Variants in MEI1 observed in about 807,000 individuals in gnomAD.
The protein encoded by MEI1 is meiosis inhibitor protein 1.
Under a neutral mutation model 146.2 loss-of-function variants are expected in MEI1, and 103 were observed. That is an observed-to-expected ratio of 0.70 (90% CI 0.60 to 0.83). MEI1 has a LOEUF of 0.83. Ranked by LOEUF, MEI1 falls within the 40% of genes least tolerant of loss-of-function variation. The pLI is 0.00. For synonymous variants in MEI1, 652 were observed against 628.2 expected (o/e 1.04, Z -0.57); for missense variants, 1,529 against 1,533.0 (o/e 1.00, Z 0.04).
intron 6 of MEI1, chr22:41,721,950 A>T (rs1179467275): frequency 2.0e-5 from 3 of 148,080 alleles, no homozygotes; most frequent in Admixed American, 6.8e-5. Context: ...CAATCTCTTG[A>T]CCTCGTGATC....
At chr22:41,777,999 T>A (rs1429899596) in intron 21 of MEI1, among the ~76,000 whole-genome samples, 1 of 148,608 alleles carries the variant, frequency 6.7e-6, no homozygotes, top group Admixed American at 6.7e-5. Context: ...TCCCTCCTCC[T>A]CCTTCCTTCC....
intron 7 of MEI1, among the ~76,000 whole-genome samples, chr22:41,729,037 G>A (rs1280765821): frequency 2.6e-5 from 4 of 151,926 alleles, no homozygotes; most frequent in African/African-American, 4.8e-5. Context: ...GGTGGTGCAC[G>A]CCTGTAGTCC....
At chr22:41,765,065 C>T (rs868654113) in intron 19 of MEI1, among the ~76,000 whole-genome samples, 45 of 152,284 alleles carry the variant, frequency 3.0e-4, no homozygotes, top group South Asian at 2.1e-4. Flanking sequence ...AGTGCAATGG[C>T]GCCATCTTGG....
chr22:41,753,173 A>G (rs1290238406), intron 16 of MEI1, among the ~76,000 whole-genome samples: 1 of 152,072 alleles, frequency 6.6e-6, no homozygotes, highest in Non-Finnish European at 1.5e-5. Flanking sequence ...GCTTGCCACC[A>G]TTCCTGGCTA....
intron 16 of MEI1, among the ~76,000 whole-genome samples, chr22:41,753,063 G>C (rs553323891): frequency 6.6e-6 from 1 of 150,966 alleles, no homozygotes; most frequent in Non-Finnish European, 1.5e-5. Context: ...CTGTCACCCA[G>C]GCTGGAGTGC....
At chr22:41,747,299 A>C (rs184278831) in intron 14 of MEI1, 1 of 152,644 alleles carries the variant, frequency 6.6e-6, no homozygotes, top group East Asian at 1.9e-4. Flanking sequence ...TGACTCTTGA[A>C]GAATTACCTG....
intron 17 of MEI1, among the ~76,000 whole-genome samples, chr22:41,754,414 TTTTTTC>T (rs148609596): frequency 0.18 from 26,804 of 151,596 alleles, 7,264 homozygotes; most frequent in African/African-American, 0.59. Flanking sequence ...GTAGTGTTTC[TTTTTTC>T]TTTTTCTTTT....
At chr22:41,724,689 G>T (rs906203952) in intron 7 of MEI1, among the ~76,000 whole-genome samples, 1 of 152,054 alleles carries the variant, frequency 6.6e-6, no homozygotes. Flanking sequence ...TACTCAGGAG[G>T]CTGAGGTGGG....
At chr22:41,765,025 C>G (rs977155685) in intron 19 of MEI1, among the ~76,000 whole-genome samples, 12 of 152,152 alleles carry the variant, frequency 7.9e-5, no homozygotes, top group Admixed American at 5.2e-4. Flanking sequence ...ATTGAACAAC[C>G]AAGAGTCTTG....
rs1419639477 is a variant in MEI1, at chr22:41,743,095, C to T, written c.1347C>T (p.Ser449=). Residue 449 remains serine, a synonymous_variant, in exon 12 of 31, where the codon AGC becomes AGT. Transcript: ENST00000401548. ...CTGGATGCAGGAAGGACCATCAGAG[C>T]ACTCCACCTGTGCAGTATGGGGAAC... is the stretch of plus-strand genomic sequence containing the variant. ...TSAFLRKDHQ[S]TPPVQYGELQ... The T allele has an allele frequency of 6.2e-7, 1 of 1,611,446 alleles. No individual in the cohort carries two copies. The highest frequency in any genetic ancestry group is 1.3e-5 in the African/African-American group (1 of 74,884).
In MEI1 at chr22:41,794,238, C is replaced by T. The variant is rs182522017; in HGVS notation, c.3428-133C>T. ...TTAGAAGCCCAGGGAAGAAAGAACCCTCCTTGGGTCAGCTTGTTCAGTGCC... is the reference window on the plus strand; with the variant it reads ...TTAGAAGCCCAGGGAAGAAAGAACCTTCCTTGGGTCAGCTTGTTCAGTGCC... On this transcript the variant is annotated intron_variant, in intron 27 of 30. Transcript: ENST00000401548. 13 of 763,842 alleles carry T rather than the reference C, an allele frequency of 1.7e-5. No individual in the cohort carries two copies. In the Admixed American group the frequency reaches 1.8e-4, roughly 11 times the overall value. The allele number at this position is 763,842 out of a possible 1,614,324, so 47.3% of individuals were successfully genotyped here.
At position 41,781,864 on chromosome 22, in the gene MEI1, T is replaced by C. The variant is rs752620578; in HGVS notation, c.3087+19T>C. ...TTTGCAGGTTAGTCTTTAACTCCTGTGGCTTTGAGGCATGGGGTGGCACTC... is the reference window on the plus strand; with the variant it reads ...TTTGCAGGTTAGTCTTTAACTCCTGCGGCTTTGAGGCATGGGGTGGCACTC... On this transcript the variant is annotated intron_variant, in intron 24 of 30. Transcript: ENST00000401548. 1.9e-6 allele frequency: 3 copies of C among 1,613,014 alleles called. No individual in the cohort carries two copies. Among genetic ancestry groups the C allele is most frequent in the East Asian group, 2.2e-5 (1 of 44,846 alleles).
At chr22:41,703,951 A>T (rs1195299544) in intron 2 of MEI1, among the ~76,000 whole-genome samples, 1 of 152,068 alleles carries the variant, frequency 6.6e-6, no homozygotes, top group Non-Finnish European at 1.5e-5. Flanking sequence ...GTGCCACCAC[A>T]CTCCAGCCTG....
At chr22:41,752,120 T>G (rs189678664) in intron 15 of MEI1, among the ~76,000 whole-genome samples, 1 of 151,812 alleles carries the variant, frequency 6.6e-6, no homozygotes, top group East Asian at 1.9e-4. Context: ...GTTCTGAGAA[T>G]CAATTGCTTT....
At chr22:41,754,998 G>A (rs2074000347) in intron 17 of MEI1, among the ~76,000 whole-genome samples, 1 of 152,186 alleles carries the variant, frequency 6.6e-6, no homozygotes, top group Admixed American at 6.5e-5. Context: ...TCTGAGTCAA[G>A]TAAAGGAAAG....
intron 4 of MEI1, among the ~76,000 whole-genome samples, chr22:41,715,120 A>G (rs2069983074): frequency 6.6e-6 from 1 of 152,140 alleles, no homozygotes; most frequent in Non-Finnish European, 1.5e-5. Flanking sequence ...TGATGAGATG[A>G]TGCCACTTAA....
chr22:41,784,521 A>G, intron 25 of MEI1, 87 bp from the exon 26 acceptor site: 1 of 1,588,474 alleles, frequency 6.3e-7, no homozygotes, highest in Non-Finnish European at 8.6e-7. Flanking sequence ...TAATTGTCTC[A>G]TCTTCATTGT....
Position 41,754,034 on chromosome 22 carries a change from C to T in MEI1, c.1939C>T (p.Pro647Ser). The T allele has an allele frequency of 1.9e-6, 3 of 1,611,512 alleles. No homozygotes were observed. The highest frequency in any genetic ancestry group is 2.5e-6 in the Non-Finnish European group (3 of 1,177,674). Residue 647 changes from proline (P) to serine (S), a missense_variant, in exon 17 of 31, where the codon CCT (proline) becomes TCT (serine). Physicochemically the swap from Pro to Ser is moderately conservative, Grantham distance 74. Transcript: ENST00000401548. ...CTCAGCTCCAGAGAAGACAGGACCA[C>T]CTTCCAAAGAAGGTAAGATGCTACA... ...LLSAPEKTGP[P>S]SKEELSAVSE... is the part of the protein sequence containing the mutation.
chr22:41,795,832 C>A lies in MEI1; in HGVS notation c.3764C>A (p.Pro1255His). Residue 1255 changes from proline to histidine, a missense_variant, in exon 30 of 31, where the codon CCC becomes CAC. By Grantham distance (77) the Pro-to-His change is moderately conservative. This residue lies in a region of MEI1 where 313 missense variants were observed against 337.3 expected (regional missense o/e 0.93). Transcript: ENST00000401548. This position sits in a 1 kb window ranked among gnomAD's most constrained non-coding sequence, Gnocchi z 4.2. ...CCTAGCACCTCCTCAGGCCAGCCAC[C>A]CCTGCAGGACATGCTGTATCCTTTC... ...LPPSTSSGQP[P>H]LQDMLCLGGV... The A allele has an allele frequency of 6.2e-7, 1 of 1,613,576 alleles. No individual in the cohort carries two copies. The highest frequency in any genetic ancestry group is 8.5e-7 in the Non-Finnish European group (1 of 1,179,758).
Sources: allele counts gnomAD v4.1 joint callset (sites outside exome capture counted in the v4.1 genomes callset), GRCh38; gene constraint gnomAD v4.1.1; regional missense constraint gnomAD v4.1.1; non-coding constraint Gnocchi (gnomAD v3.1); transcripts MANE v1.5; gene names NCBI Gene and HGNC (gene_info 2026-07-23, HGNC 2026-07-21).